The following PARD3B variants were observed in gnomAD, a reference collection of about 807,000 sequenced individuals.
The protein encoded by PARD3B is par-3 family cell polarity regulator beta, also known as partitioning defective 3 homolog B.
PARD3B carries 103 observed loss-of-function variants against 130.2 expected under a neutral mutation model. The observed-to-expected ratio is 0.79, with a 90% CI of 0.67 to 0.93. The LOEUF (loss-of-function observed/expected upper bound fraction) is 0.93, where lower values mean the gene tolerates loss of function less well. Among genes scored for constraint, PARD3B ranks in the 40% least tolerant of loss-of-function variants. The pLI is 0.00. For missense variants in PARD3B, 1,609 were observed against 1,499.2 expected (o/e 1.07, Z -1.21); for synonymous variants, 583 against 553.2 (o/e 1.05, Z -0.76).
intron 1 of PARD3B, among the ~76,000 whole-genome samples, chr2:204,583,841 A>G (rs943646499): frequency 8.5e-5 from 13 of 152,208 alleles, no homozygotes; most frequent in African/African-American, 3.1e-4. Flanking sequence ...TTGAGAAGCA[A>G]CCATGCAAAC....
rs192913814 is a variant in PARD3B at position 205,525,973 on chromosome 2, C to T, written c.3180+25942C>T. Among the ~76,000 whole-genome samples, 39 of 152,342 alleles carry T rather than the reference C, an allele frequency of 2.6e-4. No individual in the cohort carries two copies. Among genetic ancestry groups the T allele is most frequent in the Non-Finnish European group, 2.6e-4 (18 of 68,038 alleles). On this transcript the variant is annotated intron_variant, in intron 21 of 22. Transcript: ENST00000406610. The surrounding 1 kb of genome is among the most constrained non-coding windows in gnomAD (Gnocchi z 4.2). ...ACACCCCCACCCTGCCCTTGCTTCT[C>T]GCAGGGTCTGGGGCTCCATGTCCTT... is the stretch of plus-strand genomic sequence containing the variant.
In PARD3B at chr2:205,160,552, T is replaced by G. The variant is rs1291561579; in HGVS notation, c.1620+1645T>G. Among the ~76,000 whole-genome samples the G allele has an allele frequency of 6.6e-6, 1 of 152,170 alleles. No homozygotes were observed. Among genetic ancestry groups the G allele is most frequent in the African/African-American group, 2.4e-5 (1 of 41,430 alleles). ...AAACACACTCCAGCCACGATGAAGT[T>G]ATGGCAAAGATGTAGATACAGAGAA... is the stretch of plus-strand genomic sequence containing the variant. On this transcript the variant is annotated intron_variant, in intron 11 of 22. Coordinates refer to ENST00000406610, the MANE Select transcript of PARD3B (RefSeq NM_001302769.2). This position sits in a 1 kb window ranked among gnomAD's most constrained non-coding sequence, Gnocchi z 4.0.
At chr2:205,211,097 C>T (rs2037608234) in intron 15 of PARD3B, among the ~76,000 whole-genome samples, 1 of 151,966 alleles carries the variant, frequency 6.6e-6, no homozygotes, top group African/African-American at 2.4e-5. Context: ...GATAAAACTG[C>T]TTAATCTGGG....
In PARD3B at chr2:205,553,329, T is replaced by G; in HGVS notation, c.3186T>G (p.Pro1062=). The G allele has an allele frequency of 1.2e-6, 2 of 1,613,840 alleles. No individual in the cohort carries two copies. The highest frequency in any genetic ancestry group is 1.7e-6 in the Non-Finnish European group (2 of 1,179,764). ...RPSEYDLLWV[P]GRGPDGNAHN... is the part of the protein sequence containing the mutation. Reference sequence around the variant, plus strand: ...AATTGCTTTTCTCTCCACAGGTGCCTGGAAGGGGTCCAGATGGGAATGCAC... The same window carrying G: ...AATTGCTTTTCTCTCCACAGGTGCCGGGAAGGGGTCCAGATGGGAATGCAC... The change falls in exon 22 of 23, where the codon CCT becomes CCG. Residue 1062 remains proline, a synonymous_variant. Transcript: ENST00000406610.
intron 1 of PARD3B, among the ~76,000 whole-genome samples, chr2:204,643,661 G>A (rs2035170897): frequency 1.3e-5 from 2 of 151,898 alleles, no homozygotes; most frequent in Non-Finnish European, 1.5e-5. Context: ...TTTTATGTGT[G>A]GCTACACTGG....
intron 2 of PARD3B, among the ~76,000 whole-genome samples, chr2:204,728,078 C>G (rs2039318442): frequency 1.3e-5 from 2 of 152,140 alleles, no homozygotes; most frequent in Admixed American, 1.3e-4. Flanking sequence ...CGGGAGGATG[C>G]ATATTAAATT....
rs372406832 is a variant in PARD3B at position 205,550,923 on chromosome 2, A to ATG, written c.3181-2383_3181-2382dup. 1.3e-3 allele frequency among the ~76,000 whole-genome samples: 181 copies of ATG among 135,050 alleles called. 1 individual carries two copies. The highest frequency in any genetic ancestry group is 3.6e-3 in the South Asian group (15 of 4,182). The allele number at this position is 135,050 out of a possible 152,430, so 88.6% of individuals were successfully genotyped here. A position where few individuals can be genotyped will look rare whatever the true frequency, so the allele number is the denominator to read the frequency against. ...AATCATGTTATAAATACATATAATT[A>ATG]TGTGTGTGTGTGTGTGTGTATATAT... On this transcript the variant is annotated intron_variant, in intron 21 of 22. Coordinates refer to ENST00000406610, the MANE Select transcript of PARD3B (RefSeq NM_001302769.2). The surrounding 1 kb of genome is among the most constrained non-coding windows in gnomAD (Gnocchi z 4.5).
In PARD3B at chr2:205,184,262, A is replaced by G. The variant is rs529641145; in HGVS notation, c.1925-1502A>G. On this transcript the variant is annotated intron_variant, in intron 13 of 22. Coordinates refer to ENST00000406610, the MANE Select transcript of PARD3B (RefSeq NM_001302769.2). ...ATCCAGCACGTGGACAAGCCAAAGC[A>G]GGTTTTATCACCAACAGCAGTTCTC... Among the ~76,000 whole-genome samples, 6 of 152,306 alleles carry G rather than the reference A, an allele frequency of 3.9e-5. No individual in the cohort carries two copies. The South Asian group carries it at 1.2e-3, about 32-fold the overall frequency.
Position 205,288,759 on chromosome 2 carries a change from C to T in PARD3B, c.2186-11771C>T, listed in dbSNP as rs1489710735. ...TTTTCCTCTAAGTGGTGTGCCTGTC[C>T]ACCTCCTACTTCTCTTACCTATATA... On this transcript the variant is annotated intron_variant, in intron 16 of 22. Transcript: ENST00000406610. The surrounding 1 kb of genome is among the most constrained non-coding windows in gnomAD (Gnocchi z 4.0). 6.6e-6 allele frequency among the ~76,000 whole-genome samples: 1 copy of T among 152,134 alleles called. No individual in the cohort carries two copies. Among genetic ancestry groups the T allele is most frequent in the Non-Finnish European group, 1.5e-5 (1 of 68,034 alleles).
chr2:204,590,880 A>C (rs752250720), intron 1 of PARD3B, among the ~76,000 whole-genome samples: 1 of 152,188 alleles, frequency 6.6e-6, no homozygotes, highest in Non-Finnish European at 1.5e-5. Context: ...AAGAATCAAA[A>C]GGTGTTTTCA....
intron 2 of PARD3B, among the ~76,000 whole-genome samples, chr2:204,811,993 T>A (rs1333766113): frequency 1.3e-5 from 2 of 152,194 alleles, no homozygotes; most frequent in East Asian, 3.8e-4. Context: ...GTAATGATCA[T>A]GTCCATTTTT....
At chr2:204,836,952 T>G (rs1209729555) in intron 2 of PARD3B, among the ~76,000 whole-genome samples, 1 of 152,186 alleles carries the variant, frequency 6.6e-6, no homozygotes, top group African/African-American at 2.4e-5. Context: ...TAAAAACACT[T>G]ACAAATGCAA....
At chr2:204,883,455 A>ATATAAAATATATATATATATATATATTT (rs1377428928) in intron 2 of PARD3B, among the ~76,000 whole-genome samples, 2 of 77,278 alleles carry the variant, frequency 2.6e-5, no homozygotes, top group Non-Finnish European at 4.6e-5. Context: ...ATATATATAT[A>ATATAAAATATATATATATATATATATTT]TTTTTTTTTT....
chr2:204,559,621 A>C (rs57219125), intron 1 of PARD3B, among the ~76,000 whole-genome samples: 1 of 152,280 alleles, frequency 6.6e-6, no homozygotes, highest in African/African-American at 2.4e-5. Flanking sequence ...ATTTTGGAAG[A>C]CAGTGTGGCA....
intron 1 of PARD3B, among the ~76,000 whole-genome samples, chr2:204,665,952 A>G (rs1306648396): frequency 6.6e-6 from 1 of 152,180 alleles, no homozygotes. Context: ...GGAATGATGA[A>G]TGAGTTTGCC....
At chr2:205,224,860 G>C (rs111508748) in intron 15 of PARD3B, among the ~76,000 whole-genome samples, 105 of 151,872 alleles carry the variant, frequency 6.9e-4, no homozygotes, top group African/African-American at 2.4e-3. Context: ...TTGCCAACCT[G>C]GAACTGGCCA....
At chr2:204,705,332 A>G (rs986775184) in intron 2 of PARD3B, among the ~76,000 whole-genome samples, 1 of 152,170 alleles carries the variant, frequency 6.6e-6, no homozygotes, top group Non-Finnish European at 1.5e-5. Flanking sequence ...TAATATAGCA[A>G]GTAATGCTTG....
At chr2:205,246,602 CAGA>C (rs2039583877) in intron 16 of PARD3B, among the ~76,000 whole-genome samples, 1 of 152,150 alleles carries the variant, frequency 6.6e-6, no homozygotes, top group Admixed American at 6.5e-5. Flanking sequence ...CTCTAAACAA[CAGA>C]AGGATTATGA....
In PARD3B at chr2:205,091,110, A is replaced by G. The variant is rs1360395778; in HGVS notation, c.505-13316A>G. 6.6e-6 allele frequency among the ~76,000 whole-genome samples: 1 copy of G among 152,210 alleles called. No individual in the cohort carries two copies. ...TAGTACACCTTGGCTGCTTCTAGTT[A>G]TTCTAGTAATTGTCTATGCAGGGTT... On this transcript the variant is annotated intron_variant, in intron 4 of 22. Coordinates refer to ENST00000406610, the MANE Select transcript of PARD3B (RefSeq NM_001302769.2). This position sits in a 1 kb window ranked among gnomAD's most constrained non-coding sequence, Gnocchi z 4.2.
Sources: allele counts gnomAD v4.1 joint callset (sites outside exome capture counted in the v4.1 genomes callset), GRCh38; gene constraint gnomAD v4.1.1; non-coding constraint Gnocchi (gnomAD v3.1); transcripts MANE v1.5; gene names NCBI Gene and HGNC (gene_info 2026-07-23, HGNC 2026-07-21).